Variants in CLDN10 observed in about 807,000 individuals in gnomAD.
CLDN10 encodes claudin 10, also known as claudin-10.
In CLDN10, 15 loss-of-function variants were observed where a neutral mutation model predicts 22.9. That is an observed-to-expected ratio of 0.65 (90% confidence interval 0.44 to 1.01). The LOEUF (loss-of-function observed/expected upper bound fraction) is 1.01. Ranked by LOEUF, CLDN10 falls within the 50% of genes least tolerant of loss-of-function variation. The pLI, the probability that CLDN10 is intolerant of heterozygous loss-of-function variation, is 0.00. For missense variants in CLDN10, 247 were observed against 287.8 expected, an observed-to-expected ratio of 0.86 and a Z score of 1.03; for synonymous variants, 114 against 111.4, an observed-to-expected ratio of 1.02 and a Z score of -0.15.
intron 1 of CLDN10, among the ~76,000 whole-genome samples, chr13:95,444,929 C>T (rs150067752): frequency 1.1e-4 from 16 of 152,154 alleles, no homozygotes; most frequent in African/African-American, 3.4e-4. Context: ...ATGTGCATCA[C>T]CATTCCTGGC....
At chr13:95,446,084 A>G (rs1299772723) in intron 1 of CLDN10, among the ~76,000 whole-genome samples, 1 of 152,186 alleles carries the variant, frequency 6.6e-6, no homozygotes, top group Non-Finnish European at 1.5e-5. Flanking sequence ...TATTGGGTAG[A>G]TGTTACTAGA....
At position 95,473,036 on chromosome 13, in the gene CLDN10, A is replaced by T. The variant is rs1252363176; in HGVS notation, c.214+38989A>T. Reference sequence around the variant, plus strand: ...GCACCTGTGGTCCCAGCTACTCAACAGGCTGAGGTAGAAGGATTGTTTAAG... The same window carrying T: ...GCACCTGTGGTCCCAGCTACTCAACTGGCTGAGGTAGAAGGATTGTTTAAG... On this transcript the variant is annotated intron_variant, in intron 1 of 4. Transcript: ENST00000376873. Among the ~76,000 whole-genome samples the T allele has an allele frequency of 2.6e-5, 4 of 151,682 alleles. No individual in the cohort carries two copies. In the East Asian group the frequency reaches 7.8e-4, roughly 29 times the overall value.
chr13:95,547,439 T>C (rs1200241066), intron 1 of CLDN10, among the ~76,000 whole-genome samples: 1 of 152,174 alleles, frequency 6.6e-6, no homozygotes, highest in East Asian at 1.9e-4. Context: ...ATACCATTTT[T>C]ATGAAAAAAT....
chr13:95,568,083 G>C (rs2043808219), intron 3 of CLDN10, among the ~76,000 whole-genome samples: 1 of 152,146 alleles, frequency 6.6e-6, no homozygotes, highest in African/African-American at 2.4e-5. Context: ...AGGTGACCTT[G>C]TCAAGATGTT....
intron 1 of CLDN10, among the ~76,000 whole-genome samples, chr13:95,553,852 A>G (rs1407662095): frequency 6.6e-6 from 1 of 152,208 alleles, no homozygotes; most frequent in Non-Finnish European, 1.5e-5. Flanking sequence ...ACAACAGCCG[A>G]TGTCAGCCCG....
chr13:95,508,597 A>G (rs1478136018), intron 1 of CLDN10, among the ~76,000 whole-genome samples: 1 of 152,252 alleles, frequency 6.6e-6, no homozygotes, highest in African/African-American at 2.4e-5. Flanking sequence ...AAGGCGGACA[A>G]CCGCCCAACT....
At chr13:95,561,240 G>C (rs997172048) in intron 3 of CLDN10, among the ~76,000 whole-genome samples, 1 of 152,056 alleles carries the variant, frequency 6.6e-6, no homozygotes, top group Non-Finnish European at 1.5e-5. Context: ...CTATCAATGA[G>C]GCTGGTAATT....
intron 3 of CLDN10, among the ~76,000 whole-genome samples, chr13:95,563,602 C>G (rs925727145): frequency 2.9e-4 from 44 of 152,278 alleles, no homozygotes; most frequent in African/African-American, 9.6e-4. Context: ...TCTCTGTTTT[C>G]CCTGCAGTGC....
intron 1 of CLDN10, among the ~76,000 whole-genome samples, chr13:95,485,396 A>G (rs114523265): frequency 6.0e-4 from 92 of 152,298 alleles, no homozygotes; most frequent in African/African-American, 2.0e-3. Context: ...ACCAGCCTCC[A>G]TGGTCAAGGC....
chr13:95,449,545 C>T (rs1215447530), intron 1 of CLDN10, among the ~76,000 whole-genome samples: 1 of 151,952 alleles, frequency 6.6e-6, no homozygotes, highest in East Asian at 1.9e-4. Context: ...GCCACTGTGC[C>T]CTGCCACTCA....
intron 1 of CLDN10, among the ~76,000 whole-genome samples, chr13:95,536,390 A>G (rs1282436891): frequency 1.3e-5 from 2 of 152,160 alleles, no homozygotes; most frequent in African/African-American, 4.8e-5. Context: ...TGGAGGTTGC[A>G]GTAAGCCGAG....
At chr13:95,506,980 T>C (rs2043045187) in intron 1 of CLDN10, among the ~76,000 whole-genome samples, 1 of 152,184 alleles carries the variant, frequency 6.6e-6, no homozygotes, top group African/African-American at 2.4e-5. Context: ...ATTTAGATCC[T>C]TGTTTTCTCA....
intron 1 of CLDN10, among the ~76,000 whole-genome samples, chr13:95,453,175 T>A (rs536186863): frequency 6.6e-6 from 1 of 152,340 alleles, no homozygotes; most frequent in Admixed American, 6.5e-5. Context: ...TATGTCCCAA[T>A]TCACATGAAA....
At chr13:95,528,178 A>T (rs1268273026) in intron 1 of CLDN10, among the ~76,000 whole-genome samples, 2 of 152,150 alleles carry the variant, frequency 1.3e-5, no homozygotes, top group African/African-American at 2.4e-5. Flanking sequence ...CATAATGCCC[A>T]CGTGTTGTGG....
intron 1 of CLDN10, among the ~76,000 whole-genome samples, chr13:95,447,990 T>G (rs2042396875): frequency 6.6e-6 from 1 of 152,192 alleles, no homozygotes. Flanking sequence ...CTGCTTCCTG[T>G]GCCTGCGGCG....
chr13:95,474,064 G>A (rs1024728087), intron 1 of CLDN10, among the ~76,000 whole-genome samples: 1 of 152,112 alleles, frequency 6.6e-6, no homozygotes, highest in Non-Finnish European at 1.5e-5. Context: ...CAGGTTATTT[G>A]TATTATGATT....
intron 1 of CLDN10, among the ~76,000 whole-genome samples, chr13:95,517,933 C>CAAA (rs35780641): frequency 1.8e-3 from 170 of 94,054 alleles, no homozygotes; most frequent in African/African-American, 4.8e-3. Context: ...AACTCCACCT[C>CAAA]AAAAAAAAAA....
intron 3 of CLDN10, among the ~76,000 whole-genome samples, chr13:95,572,175 A>G (rs1417412180): frequency 6.6e-6 from 1 of 152,208 alleles, no homozygotes; most frequent in Non-Finnish European, 1.5e-5. Context: ...ATTCAGAAAA[A>G]AATCCTGTGC....
intron 1 of CLDN10, among the ~76,000 whole-genome samples, chr13:95,531,907 C>T (rs1046779077): frequency 6.6e-6 from 1 of 151,906 alleles, no homozygotes; most frequent in Non-Finnish European, 1.5e-5. Context: ...CACAAAGGCA[C>T]CAAAACAGTC....
Sources: allele counts gnomAD v4.1 joint callset (sites outside exome capture counted in the v4.1 genomes callset), GRCh38; gene constraint gnomAD v4.1.1; transcripts MANE v1.5; gene names NCBI Gene and HGNC (gene_info 2026-07-23, HGNC 2026-07-21).